Variants in LAMA2 observed in about 807,000 individuals in gnomAD.
LAMA2 encodes laminin subunit alpha-2.
In LAMA2, 269 loss-of-function variants were observed where a neutral mutation model predicts 364.8. The ratio of observed to expected loss-of-function variants is 0.74; its 90% CI spans 0.67 to 0.82. The LOEUF (loss-of-function observed/expected upper bound fraction) is 0.82. Ranked by LOEUF, LAMA2 falls within the 40% of genes least tolerant of loss-of-function variation. LAMA2 has a pLI of 0.00. For synonymous variants in LAMA2, 1,379 were observed against 1,370.6 expected, an observed-to-expected ratio of 1.01 and a Z score of -0.14; for missense variants, 3,807 against 3,873.2, an observed-to-expected ratio of 0.98 and a Z score of 0.45.
At chr6:129,172,684 G>A (rs1408167981) in intron 9 of LAMA2, among the ~76,000 whole-genome samples, 2 of 152,238 alleles carry the variant, frequency 1.3e-5, no homozygotes, top group Non-Finnish European at 2.9e-5. Context: ...GCCTCCTTGA[G>A]CTGTGGTGGG....
At chr6:129,412,733 C>G (rs1372639641) in intron 40 of LAMA2, among the ~76,000 whole-genome samples, 3 of 152,270 alleles carry the variant, frequency 2.0e-5, no homozygotes, top group East Asian at 3.9e-4. Context: ...GTTATACCAC[C>G]TTTTGCATCT....
Position 129,502,657 on chromosome 6 carries a change from A to G in LAMA2, c.8245-2A>G, listed in dbSNP as rs914395925. 3.7e-6 allele frequency: 6 copies of G among 1,605,752 alleles called. No individual in the cohort carries two copies. Among genetic ancestry groups the G allele is most frequent in the Non-Finnish European group, 5.1e-6 (6 of 1,172,424 alleles). On this transcript the variant is annotated splice_acceptor_variant, in intron 58 of 64. Transcript: ENST00000421865. LOFTEE classifies it high-confidence loss of function. ...TGTTTTTCTCTCCTGGGTATTTTAC[A>G]GGGTCCTTGTGCTGCAGAATCAGAA...
chr6:129,199,939 TGTG>T (rs1170566457), intron 12 of LAMA2, among the ~76,000 whole-genome samples: 2 of 151,448 alleles, frequency 1.3e-5, no homozygotes, highest in Admixed American at 6.6e-5. Context: ...ATTAGCCAGG[TGTG>T]GTGACAAACG....
chr6:129,337,380 A>C (rs1423734278), intron 29 of LAMA2, among the ~76,000 whole-genome samples: 1 of 152,184 alleles, frequency 6.6e-6, no homozygotes, highest in Admixed American at 6.5e-5. Context: ...TGAAACAAAG[A>C]TTTAGGAAGT....
At chr6:128,951,580 C>T (rs915204745) in intron 1 of LAMA2, among the ~76,000 whole-genome samples, 4 of 152,076 alleles carry the variant, frequency 2.6e-5, no homozygotes, top group African/African-American at 9.7e-5. Context: ...GTCTGAGTTA[C>T]AAAGTAATCT....
chr6:129,083,095 C>T (rs1774168236), intron 3 of LAMA2, among the ~76,000 whole-genome samples: 1 of 151,990 alleles, frequency 6.6e-6, no homozygotes, highest in Non-Finnish European at 1.5e-5. Flanking sequence ...CACACACACA[C>T]ACACACGTGT....
At chr6:129,212,227 G>A (rs1403420626) in intron 12 of LAMA2, among the ~76,000 whole-genome samples, 2 of 152,140 alleles carry the variant, frequency 1.3e-5, no homozygotes, top group Non-Finnish European at 2.9e-5. Context: ...GTGGGTAAAA[G>A]TCTTGTGCTC....
chr6:128,997,852 G>A (rs895205847), intron 1 of LAMA2, among the ~76,000 whole-genome samples: 1 of 152,176 alleles, frequency 6.6e-6, no homozygotes, highest in African/African-American at 2.4e-5. Flanking sequence ...TTTCCAGTGT[G>A]TGTTGTATAA....
At chr6:129,256,763 CATAT>C (rs199726173) in intron 14 of LAMA2, among the ~76,000 whole-genome samples, 2,816 of 87,826 alleles carry the variant, frequency 0.032, 86 homozygotes, top group East Asian at 0.073. Flanking sequence ...AATTATATAG[CATAT>C]ATATATATAT....
chr6:129,160,560 TTTTA>T (rs1427961267), intron 8 of LAMA2, among the ~76,000 whole-genome samples: 1 of 151,980 alleles, frequency 6.6e-6, no homozygotes, highest in Non-Finnish European at 1.5e-5. Context: ...TTTTTTGTGT[TTTTA>T]TTGATTCTGT....
At chr6:129,004,409 A>T (rs1371057239) in intron 1 of LAMA2, among the ~76,000 whole-genome samples, 11 of 36,846 alleles carry the variant, frequency 3.0e-4, no homozygotes, top group Admixed American at 2.3e-3. Flanking sequence ...ATAATAATAA[A>T]AAAAAAAAAA....
chr6:128,976,571 T>A (rs1235203052), intron 1 of LAMA2, among the ~76,000 whole-genome samples: 1 of 152,148 alleles, frequency 6.6e-6, no homozygotes, highest in Non-Finnish European at 1.5e-5. Flanking sequence ...ACATTTAAAT[T>A]TTTCTCTTTG....
intron 12 of LAMA2, among the ~76,000 whole-genome samples, chr6:129,216,672 G>A (rs265363): frequency 0.93 from 141,968 of 152,212 alleles, 66,999 homozygotes; most frequent in East Asian, 1. Flanking sequence ...TAATATGGTG[G>A]ATATTTACTC....
intron 4 of LAMA2, among the ~76,000 whole-genome samples, chr6:129,136,967 G>A (rs985783406): frequency 3.5e-4 from 54 of 152,222 alleles, no homozygotes; most frequent in African/African-American, 1.2e-3. Context: ...TCACCCATCC[G>A]TGACCTGTGG....
At chr6:128,973,485 G>A (rs1236889335) in intron 1 of LAMA2, among the ~76,000 whole-genome samples, 1 of 152,108 alleles carries the variant, frequency 6.6e-6, no homozygotes, top group Non-Finnish European at 1.5e-5. Flanking sequence ...ACATTATTTT[G>A]TTTAGAGCAC....
At chr6:129,476,968 T>C (rs1784096807) in intron 53 of LAMA2, among the ~76,000 whole-genome samples, 1 of 152,118 alleles carries the variant, frequency 6.6e-6, no homozygotes, top group Admixed American at 6.6e-5. Context: ...TTTCCACCTG[T>C]TTTTCCTCAT....
At chr6:129,090,320 G>A (rs140073243) in intron 3 of LAMA2, among the ~76,000 whole-genome samples, 117 of 152,100 alleles carry the variant, frequency 7.7e-4, no homozygotes, top group Middle Eastern at 3.4e-3. Flanking sequence ...TACTCGCTTT[G>A]TAACTACTTC....
intron 32 of LAMA2, among the ~76,000 whole-genome samples, chr6:129,353,712 A>C (rs1466726179): frequency 6.6e-6 from 1 of 152,172 alleles, no homozygotes; most frequent in Non-Finnish European, 1.5e-5. Context: ...GAGTGTATTA[A>C]AAAATTTAGA....
intron 21 of LAMA2, among the ~76,000 whole-genome samples, chr6:129,299,233 T>A (rs770991403): frequency 6.6e-6 from 1 of 152,176 alleles, no homozygotes; most frequent in African/African-American, 2.4e-5. Context: ...AATGGCTCCT[T>A]CAGTAACTAG....
Sources: gnomAD v4.1 joint callset for allele counts (sites outside exome capture counted in the v4.1 genomes callset) on GRCh38, gnomAD v4.1.1 for gene constraint, MANE v1.5 for transcripts, NCBI Gene and HGNC (gene_info 2026-07-23, HGNC 2026-07-21) for gene names.